The following SPC25 variants were observed in gnomAD, a reference collection of about 807,000 sequenced individuals.
SPC25 encodes kinetochore protein Spc25.
A neutral mutation model predicts 29.6 loss-of-function variants in SPC25; 22 were observed. The ratio of observed to expected loss-of-function variants is 0.74; its 90% CI spans 0.53 to 1.06. The LOEUF (loss-of-function observed/expected upper bound fraction) is 1.06, where lower values mean the gene tolerates loss of function less well. Among genes scored for constraint, SPC25 ranks in the 50% least tolerant of loss-of-function variants. The pLI is 0.00. For synonymous variants in SPC25, 91 were observed against 90.4 expected (o/e 1.01, Z -0.04); for missense variants, 230 against 255.8 (o/e 0.90, Z 0.69).
intron 2 of SPC25, 33 bp from the exon 3 acceptor site, chr2:168,889,324 C>G (rs376874076): frequency 6.2e-6 from 10 of 1,613,136 alleles, no homozygotes; most frequent in Non-Finnish European, 8.5e-6. Flanking sequence ...AATTCAGCTG[C>G]AATAACACTA....
Position 168,877,471 on chromosome 2 carries a change from A to C in SPC25, c.200-87T>G, listed in dbSNP as rs1574361153. 2.8e-6 allele frequency: 4 copies of C among 1,409,502 alleles called. No individual in the cohort carries two copies. The East Asian group carries it at 9.3e-5, about 33-fold the overall frequency. 87.3% of individuals were successfully genotyped at this position (1,409,502 alleles called of 1,614,324 possible). ...AGGCCAAAGTTTACTGACTTTCATAAAGATTAATAAAGAATGTTTTGACTG... is the reference window on the plus strand; with the variant it reads ...AGGCCAAAGTTTACTGACTTTCATACAGATTAATAAAGAATGTTTTGACTG... On this transcript the variant is annotated intron_variant, in intron 3 of 6. Coordinates refer to ENST00000282074, the MANE Select transcript of SPC25 (RefSeq NM_020675.4).
intron 5 of SPC25, among the ~76,000 whole-genome samples, chr2:168,874,360 A>T (rs1690049203): frequency 6.6e-6 from 1 of 152,228 alleles, no homozygotes; most frequent in African/African-American, 2.4e-5. Flanking sequence ...AATATGACCC[A>T]GCAATTCCAC....
intron 3 of SPC25, among the ~76,000 whole-genome samples, chr2:168,887,771 A>G (rs1335344904): frequency 6.6e-6 from 1 of 152,186 alleles, no homozygotes; most frequent in Non-Finnish European, 1.5e-5. Context: ...TAGTAGTAAA[A>G]ATATGGAGAA....
chr2:168,879,241 T>C (rs1039074480), intron 3 of SPC25, among the ~76,000 whole-genome samples: 1 of 152,212 alleles, frequency 6.6e-6, no homozygotes, highest in Non-Finnish European at 1.5e-5. Context: ...CTCTGCAGCA[T>C]ACAATGATGT....
chr2:168,864,728 C>T, intron 4 of SPC25: 4 of 1,324,936 alleles, frequency 3.0e-6, no homozygotes, highest in Non-Finnish European at 4.2e-6. Context: ...GAAAATGACA[C>T]TACCAAGTAA....
chr2:168,866,630 A>G (rs1362211508), downstream of SPC25, among the ~76,000 whole-genome samples: 2 of 152,168 alleles, frequency 1.3e-5, no homozygotes, highest in South Asian at 2.1e-4. Context: ...GACAAATGGG[A>G]TCTAATTAAA....
chr2:168,873,590 T>G lies in SPC25; in HGVS notation c.545A>C (p.Tyr182Ser). Residue 182 changes from tyrosine (Y) to serine (S), a missense_variant, in exon 6 of 7, where the codon TAT becomes TCT. Physicochemically the swap from Tyr to Ser is moderately radical, Grantham distance 144. Coordinates refer to ENST00000282074, the MANE Select transcript of SPC25 (RefSeq NM_020675.4). The part of the protein sequence containing the change: ...FSLHLNEARD[Y>S]EVSDSAPHLE... ...TAGGAGATATTAGTACATACCTTCATAGTCCCTTGCTTCATTGAGATGTAA... is the reference window on the plus strand; with the variant it reads ...TAGGAGATATTAGTACATACCTTCAGAGTCCCTTGCTTCATTGAGATGTAA... 1.2e-6 allele frequency: 2 copies of G among 1,604,496 alleles called. No individual in the cohort carries two copies. Among genetic ancestry groups the G allele is most frequent in the South Asian group, 2.2e-5 (2 of 90,836 alleles).
chr2:168,868,997 G>T (rs1433163275), downstream of SPC25, among the ~76,000 whole-genome samples: 1 of 152,088 alleles, frequency 6.6e-6, no homozygotes, highest in East Asian at 1.9e-4. Context: ...ACATCAAAAA[G>T]CTTATCCACC....
At chr2:168,875,975 C>A in intron 5 of SPC25, 97 bp downstream of exon 5, 1 of 593,104 alleles carries the variant, frequency 1.7e-6, no homozygotes, top group South Asian at 5.9e-5. Context: ...TTAATGTGGT[C>A]ATTATTTTAG....
chr2:168,871,800 A>AC (rs1249616879), intron 6 of SPC25, among the ~76,000 whole-genome samples: 2 of 152,156 alleles, frequency 1.3e-5, no homozygotes, highest in Non-Finnish European at 2.9e-5. Context: ...AACAGATGGC[A>AC]CTGAAGGATC....
downstream of SPC25, among the ~76,000 whole-genome samples, chr2:168,868,692 T>G (rs1316531045): frequency 2.0e-5 from 3 of 152,108 alleles, no homozygotes; most frequent in African/African-American, 7.2e-5. Flanking sequence ...AATAACAGGC[T>G]CTGAAATTGA....
chr2:168,888,108 A>G (rs1440021479), intron 3 of SPC25, among the ~76,000 whole-genome samples: 1 of 152,164 alleles, frequency 6.6e-6, no homozygotes, highest in Non-Finnish European at 1.5e-5. Context: ...GTGAAACCCC[A>G]TCTCTACAAA....
chr2:168,878,524 A>C lies in SPC25; in HGVS notation c.200-1140T>G, dbSNP rs115874510. 9.8e-3 allele frequency among the ~76,000 whole-genome samples: 1,500 copies of C among 152,332 alleles called. 23 individuals carry two copies. Among genetic ancestry groups the C allele is most frequent in the African/African-American group, 0.034 (1,427 of 41,568 alleles). On this transcript the variant is annotated intron_variant, in intron 3 of 6. Transcript: ENST00000282074. ...AGATGCCAGTTAGCACTGTTATTTA[A>C]TATTTCCCTAGAAGTTTCTGGCCAA...
intron 5 of SPC25, among the ~76,000 whole-genome samples, chr2:168,873,920 G>A (rs1276306755): frequency 1.3e-5 from 2 of 152,028 alleles, no homozygotes. Flanking sequence ...AAAAACTTTT[G>A]TCCTTCAAAG....
chr2:168,865,173 A>C (rs1689789483), intron 4 of SPC25: 1 of 590,092 alleles, frequency 1.7e-6, no homozygotes. Flanking sequence ...GACAAGGAAG[A>C]GGCTCCTTGG....
intron 5 of SPC25, among the ~76,000 whole-genome samples, chr2:168,875,629 G>A (rs1690071605): frequency 6.6e-6 from 1 of 152,098 alleles, no homozygotes; most frequent in East Asian, 1.9e-4. Context: ...GTGAATAAGT[G>A]GGGATGACTG....
At chr2:168,870,680 T>C (rs1436355090), downstream of SPC25, among the ~76,000 whole-genome samples, 2 of 151,418 alleles carry the variant, frequency 1.3e-5, no homozygotes, top group East Asian at 1.9e-4. Context: ...CCAGTTAGAA[T>C]GGCAATCATT....
intron 3 of SPC25, among the ~76,000 whole-genome samples, chr2:168,881,331 AATAAAAACAAC>A (rs1293942505): frequency 6.6e-6 from 1 of 152,186 alleles, no homozygotes; most frequent in Non-Finnish European, 1.5e-5. Context: ...ACATGCTCAA[AATAAAAACAAC>A]AATGCCTGTG....
chr2:168,874,437 T>C (rs2105824408), intron 5 of SPC25, among the ~76,000 whole-genome samples: 1 of 152,296 alleles, frequency 6.6e-6, no homozygotes, highest in South Asian at 2.1e-4. Context: ...CCAATGTTCA[T>C]AGCAGCATTA....
Sources: gnomAD v4.1 joint callset for allele counts (sites outside exome capture counted in the v4.1 genomes callset) on GRCh38, gnomAD v4.1.1 for gene constraint, MANE v1.5 for transcripts, NCBI Gene and HGNC (gene_info 2026-07-23, HGNC 2026-07-21) for gene names.